Variants in TBC1D32 observed in about 807,000 individuals in gnomAD.
TBC1D32 encodes the protein TBC1 domain family member 32.
Under a neutral mutation model 170.3 loss-of-function variants are expected in TBC1D32, and 151 were observed. That is an observed-to-expected ratio of 0.89 (90% CI 0.78 to 1.01). The LOEUF (loss-of-function observed/expected upper bound fraction) is 1.01, where lower values mean the gene tolerates loss of function less well. Among genes scored for constraint, TBC1D32 ranks in the 50% least tolerant of loss-of-function variants. TBC1D32 has a pLI of 0.00. For missense variants in TBC1D32, 1,464 were observed against 1,457.1 expected (o/e 1.00, Z -0.08); for synonymous variants, 498 against 488.0 (o/e 1.02, Z -0.27).
Position 121,106,098 on chromosome 6 carries a change from A to G in TBC1D32, c.3390T>C (p.Tyr1130=), listed in dbSNP as rs1363775077. The G allele has an allele frequency of 5.0e-6, 8 of 1,608,074 alleles. No individual in the cohort carries two copies. The highest frequency in any genetic ancestry group is 6.0e-6 in the Non-Finnish European group (7 of 1,175,894). Residue 1130 remains tyrosine (Y), a synonymous_variant, in exon 30 of 32, where the codon TAT becomes TAC. Transcript: ENST00000398212. ...ACTCAGCCTTCAGTAGCATTTCAATATAATGGGTGCTGCAAAAATATACTG... is the reference window on the plus strand; with the variant it reads ...ACTCAGCCTTCAGTAGCATTTCAATGTAATGGGTGCTGCAAAAATATACTG... ...IHPVYFCSTH[Y]IEMLLKAELP...
At chr6:121,121,907 T>C (rs1029154838) in intron 26 of TBC1D32, among the ~76,000 whole-genome samples, 1 of 152,080 alleles carries the variant, frequency 6.6e-6, no homozygotes. Flanking sequence ...ACCAAGCTGA[T>C]GGCTTAGTAA....
At chr6:121,111,536 T>C (rs1239482969) in intron 29 of TBC1D32, among the ~76,000 whole-genome samples, 1 of 152,138 alleles carries the variant, frequency 6.6e-6, no homozygotes, top group Non-Finnish European at 1.5e-5. Context: ...AGCAGGAAAA[T>C]AGTTCTACTG....
intron 1 of TBC1D32, 65 bp downstream of exon 1, chr6:121,334,211 G>T (rs1458067422): frequency 1.3e-5 from 18 of 1,353,140 alleles, no homozygotes; most frequent in Middle Eastern, 1.9e-4. Flanking sequence ...TAACACTGTT[G>T]ACCCTTCTCT....
chr6:121,122,268 C>T (rs1187394705), intron 26 of TBC1D32, among the ~76,000 whole-genome samples: 7 of 152,078 alleles, frequency 4.6e-5, no homozygotes. Context: ...TCAATAGCCT[C>T]TTAACTCATT....
intron 25 of TBC1D32, among the ~76,000 whole-genome samples, chr6:121,128,284 T>C (rs993032527): frequency 2.6e-5 from 4 of 152,154 alleles, no homozygotes; most frequent in African/African-American, 9.7e-5. Context: ...GCTGTACTCA[T>C]GTAACAATGC....
chr6:121,170,716 A>G (rs929082600), intron 22 of TBC1D32, among the ~76,000 whole-genome samples: 5 of 152,024 alleles, frequency 3.3e-5, no homozygotes, highest in Admixed American at 1.3e-4. Flanking sequence ...TGTTCTGAGT[A>G]TTTTTAAAAG....
chr6:121,115,549 T>C (rs1466077188), intron 26 of TBC1D32: 1 of 205,788 alleles, frequency 4.9e-6, no homozygotes, highest in Non-Finnish European at 9.7e-6. Context: ...AAAAGTGGTC[T>C]AGAAATACTA....
intron 21 of TBC1D32, among the ~76,000 whole-genome samples, chr6:121,207,945 G>A (rs558943718): frequency 9.2e-5 from 14 of 152,096 alleles, no homozygotes; most frequent in East Asian, 5.8e-4. Flanking sequence ...CAATAGTTCC[G>A]CACTTCCACT....
In TBC1D32 at chr6:121,173,799, C is replaced by A. The variant is rs567449173; in HGVS notation, c.2571-12743G>T. Among the ~76,000 whole-genome samples, 5 of 152,030 alleles carry A rather than the reference C, an allele frequency of 3.3e-5. No homozygotes were observed. In the South Asian group the frequency reaches 1.0e-3, roughly 32 times the overall value. ...GGCCTTTAGAAAAATTCCATCTAAC[C>A]AGGAGCATGACCCTAGCTTCTCTAG... On this transcript the variant is annotated intron_variant, in intron 22 of 31. Transcript: ENST00000398212.
intron 24 of TBC1D32, among the ~76,000 whole-genome samples, chr6:121,133,663 A>G (rs530377170): frequency 1.3e-5 from 2 of 152,186 alleles, no homozygotes; most frequent in South Asian, 2.1e-4. Flanking sequence ...TACCAAAGCT[A>G]CATACATACT....
At chr6:121,213,884 A>T (rs1793476717) in intron 21 of TBC1D32, among the ~76,000 whole-genome samples, 1 of 152,208 alleles carries the variant, frequency 6.6e-6, no homozygotes, top group East Asian at 1.9e-4. Flanking sequence ...ATGTTACCTG[A>T]CTTGGAAGGA....
chr6:121,321,079 A>G (rs1809638048), intron 2 of TBC1D32, among the ~76,000 whole-genome samples: 2 of 152,158 alleles, frequency 1.3e-5, no homozygotes, highest in African/African-American at 4.8e-5. Context: ...TTTCTTAAAC[A>G]TATATATAGC....
chr6:121,144,521 T>G (rs2128228149), intron 24 of TBC1D32, among the ~76,000 whole-genome samples: 1 of 152,164 alleles, frequency 6.6e-6, no homozygotes, highest in Admixed American at 6.5e-5. Flanking sequence ...AGGTTTATTA[T>G]CTGGAGAACT....
chr6:121,095,452 A>G (rs1368355821), intron 30 of TBC1D32, among the ~76,000 whole-genome samples: 3 of 152,144 alleles, frequency 2.0e-5, no homozygotes, highest in Non-Finnish European at 2.9e-5. Context: ...TGCCCTGGCC[A>G]GAACTTCCAA....
intron 26 of TBC1D32, among the ~76,000 whole-genome samples, chr6:121,117,563 G>A (rs745992014): frequency 6.6e-6 from 1 of 151,952 alleles, no homozygotes; most frequent in Non-Finnish European, 1.5e-5. Flanking sequence ...TTAGCCAGGC[G>A]TGGTGGCACA....
intron 22 of TBC1D32, among the ~76,000 whole-genome samples, chr6:121,171,684 A>C (rs751048371): frequency 6.6e-6 from 1 of 152,192 alleles, no homozygotes; most frequent in African/African-American, 2.4e-5. Context: ...GAGGGAGATG[A>C]AACAAGACTG....
chr6:121,227,070 C>CA (rs906971925), intron 20 of TBC1D32, among the ~76,000 whole-genome samples: 17 of 151,764 alleles, frequency 1.1e-4, no homozygotes, highest in South Asian at 4.1e-4. Context: ...ATAAAAACTG[C>CA]AAAAAAAATC....
chr6:121,210,647 C>T (rs1196408871), intron 21 of TBC1D32, among the ~76,000 whole-genome samples: 2 of 152,144 alleles, frequency 1.3e-5, no homozygotes, highest in Non-Finnish European at 2.9e-5. Flanking sequence ...TAACTAAAAT[C>T]CTTAATAAGT....
At chr6:121,258,049 G>T (rs904834194) in intron 15 of TBC1D32, among the ~76,000 whole-genome samples, 4 of 108,366 alleles carry the variant, frequency 3.7e-5, no homozygotes, top group Non-Finnish European at 5.8e-5. Context: ...AGAAAAATAA[G>T]TTCATAATTT....
Sources: gnomAD v4.1 joint callset for allele counts (sites outside exome capture counted in the v4.1 genomes callset) on GRCh38, gnomAD v4.1.1 for gene constraint, MANE v1.5 for transcripts, NCBI Gene and HGNC (gene_info 2026-07-23, HGNC 2026-07-21) for gene names.